The following LRMDA variants were observed in gnomAD, a reference collection of about 807,000 sequenced individuals.
LRMDA encodes leucine rich melanocyte differentiation associated.
Under a neutral mutation model 29.8 loss-of-function variants are expected in LRMDA, and 18 were observed. That is an observed-to-expected ratio of 0.60 (90% CI 0.42 to 0.90). The LOEUF (loss-of-function observed/expected upper bound fraction) is 0.90, where lower values mean the gene tolerates loss of function less well. Among genes scored for constraint, LRMDA ranks in the 40% least tolerant of loss-of-function variants. The pLI is 0.00. For synonymous variants in LRMDA, 125 were observed against 109.4 expected (o/e 1.14, Z -0.89); for missense variants, 273 against 273.9 (o/e 1.00, Z 0.02).
At chr10:75,916,129 G>T (rs1293379962) in intron 2 of LRMDA, among the ~76,000 whole-genome samples, 1 of 151,886 alleles carries the variant, frequency 6.6e-6, no homozygotes, top group African/African-American at 2.4e-5. Flanking sequence ...TCAGCTCTGG[G>T]GCTGTCAGGA....
At chr10:75,732,751 C>T (rs912819684) in intron 2 of LRMDA, among the ~76,000 whole-genome samples, 2 of 152,184 alleles carry the variant, frequency 1.3e-5, no homozygotes, top group African/African-American at 4.8e-5. Flanking sequence ...TATTGGTTGA[C>T]TTTTGTAGGA....
At chr10:76,128,799 A>G (rs553734528) in intron 5 of LRMDA, among the ~76,000 whole-genome samples, 1 of 152,168 alleles carries the variant, frequency 6.6e-6, no homozygotes, top group Non-Finnish European at 1.5e-5. Flanking sequence ...CCCAGAGCTC[A>G]TCAGGGAGGC....
At chr10:76,382,249 A>G (rs1841601980) in intron 6 of LRMDA, among the ~76,000 whole-genome samples, 1 of 152,214 alleles carries the variant, frequency 6.6e-6, no homozygotes, top group Non-Finnish European at 1.5e-5. Context: ...GCCTTGACAT[A>G]CTTTTAGAAT....
intron 2 of LRMDA, among the ~76,000 whole-genome samples, chr10:75,557,678 G>C (rs1247538823): frequency 6.6e-6 from 1 of 152,212 alleles, no homozygotes. Flanking sequence ...ATCAGCTAGA[G>C]CTGGGATTGA....
intron 5 of LRMDA, among the ~76,000 whole-genome samples, chr10:76,191,491 C>A (rs1851245933): frequency 6.6e-6 from 1 of 152,186 alleles, no homozygotes; most frequent in African/African-American, 2.4e-5. Context: ...GGCTGATGCC[C>A]ATGACTGCCT....
chr10:76,146,243 C>T (rs11001636), intron 5 of LRMDA, among the ~76,000 whole-genome samples: 1 of 151,470 alleles, frequency 6.6e-6, no homozygotes, highest in Admixed American at 6.6e-5. Context: ...TCCTGGGTAT[C>T]CTTGTTGACT....
chr10:76,084,300 C>T (rs1849097790), intron 5 of LRMDA, among the ~76,000 whole-genome samples: 3 of 151,086 alleles, frequency 2.0e-5, no homozygotes, highest in African/African-American at 7.3e-5. Flanking sequence ...CGAGTTCAAG[C>T]AATTCTCCTG....
At chr10:76,201,670 T>C (rs1851433869) in intron 5 of LRMDA, among the ~76,000 whole-genome samples, 1 of 152,220 alleles carries the variant, frequency 6.6e-6, no homozygotes, top group South Asian at 2.1e-4. Context: ...GAGGATATTG[T>C]GGACTTAGTG....
chr10:76,555,950 C>T (rs1036321961), intron 6 of LRMDA, among the ~76,000 whole-genome samples: 2 of 152,002 alleles, frequency 1.3e-5, no homozygotes, highest in Admixed American at 6.6e-5. Flanking sequence ...GACTCAAGTC[C>T]GATTAGCGCT....
chr10:76,150,838 G>C (rs1163978362), intron 5 of LRMDA, among the ~76,000 whole-genome samples: 1 of 152,188 alleles, frequency 6.6e-6, no homozygotes, highest in Non-Finnish European at 1.5e-5. Flanking sequence ...ACTGCGAAAA[G>C]ACGTTAAAAC....
At chr10:76,402,681 A>G (rs936974015) in intron 6 of LRMDA, among the ~76,000 whole-genome samples, 4 of 152,072 alleles carry the variant, frequency 2.6e-5, no homozygotes, top group Admixed American at 6.5e-5. Context: ...CCAACACCAT[A>G]CTGGCCATAG....
At chr10:75,477,202 G>A (rs973945761) in intron 2 of LRMDA, among the ~76,000 whole-genome samples, 1 of 151,966 alleles carries the variant, frequency 6.6e-6, no homozygotes. Context: ...TTGGTCTTGA[G>A]CTCCTGGCCT....
At chr10:75,815,197 G>T (rs914737286) in intron 2 of LRMDA, among the ~76,000 whole-genome samples, 1 of 152,154 alleles carries the variant, frequency 6.6e-6, no homozygotes, top group African/African-American at 2.4e-5. Flanking sequence ...ATCCACACAG[G>T]CATATGGAGA....
chr10:76,327,253 G>A (rs1840846889), intron 6 of LRMDA, among the ~76,000 whole-genome samples: 1 of 151,968 alleles, frequency 6.6e-6, no homozygotes, highest in African/African-American at 2.4e-5. Context: ...CACCATGCCT[G>A]GCTAATTTTT....
chr10:75,653,623 C>T (rs1841628081), intron 2 of LRMDA, among the ~76,000 whole-genome samples: 1 of 152,202 alleles, frequency 6.6e-6, no homozygotes, highest in Non-Finnish European at 1.5e-5. Context: ...GTTGCCCTTG[C>T]ATGTGCTGTG....
intron 2 of LRMDA, among the ~76,000 whole-genome samples, chr10:75,755,646 T>C (rs752986036): frequency 6.6e-6 from 1 of 152,178 alleles, no homozygotes; most frequent in Non-Finnish European, 1.5e-5. Context: ...AAGGAGCCAG[T>C]CAACAGAAGA....
intron 2 of LRMDA, among the ~76,000 whole-genome samples, chr10:75,501,212 T>A (rs1037611014): frequency 7.2e-5 from 11 of 152,222 alleles, no homozygotes; most frequent in African/African-American, 2.7e-4. Flanking sequence ...GTTTACTCTG[T>A]TTTAATCAAT....
chr10:76,175,540 G>C (rs1336944787), intron 5 of LRMDA, among the ~76,000 whole-genome samples: 2 of 152,174 alleles, frequency 1.3e-5, no homozygotes, highest in African/African-American at 2.4e-5. Context: ...ATAAGGGTCT[G>C]ATATTCTAGC....
At chr10:76,234,890 CA>C (rs1248943822) in intron 5 of LRMDA, among the ~76,000 whole-genome samples, 1 of 152,196 alleles carries the variant, frequency 6.6e-6, no homozygotes, top group Non-Finnish European at 1.5e-5. Context: ...TTCTCCATAT[CA>C]GCAATAAGGC....
Sources: allele counts gnomAD v4.1 joint callset (sites outside exome capture counted in the v4.1 genomes callset), GRCh38; gene constraint gnomAD v4.1.1; transcripts MANE v1.5; gene names NCBI Gene and HGNC (gene_info 2026-07-23, HGNC 2026-07-21).